GULP1: variants seen among roughly 807,000 people sequenced by gnomAD.
The protein encoded by GULP1 is PTB domain-containing engulfment adapter protein 1.
Under a neutral mutation model 40.9 loss-of-function variants are expected in GULP1, and 19 were observed. That is an observed-to-expected ratio of 0.46 (90% CI 0.32 to 0.68). GULP1 has a LOEUF of 0.68. GULP1 is among the 30% of genes least tolerant of loss of function. The pLI is 0.03. For missense variants in GULP1, 312 were observed against 362.2 expected, an observed-to-expected ratio of 0.86 and a Z score of 1.12; for synonymous variants, 119 against 117.6, an observed-to-expected ratio of 1.01 and a Z score of -0.08.
At chr2:188,564,340 T>C (rs1218232173) in intron 7 of GULP1, among the ~76,000 whole-genome samples, 3 of 150,444 alleles carry the variant, frequency 2.0e-5, no homozygotes, top group Admixed American at 1.3e-4. Flanking sequence ...ATATCAACTT[T>C]TTTACATAAA....
chr2:188,380,270 T>C (rs1249994018), intron 1 of GULP1, among the ~76,000 whole-genome samples: 1 of 152,076 alleles, frequency 6.6e-6, no homozygotes, highest in Non-Finnish European at 1.5e-5. Context: ...GTGAAAACAT[T>C]TGAGAAGGTG....
chr2:188,593,845 T>C (rs867235549), intron 11 of GULP1, 95 bp from the exon 12 acceptor site: 18 of 723,786 alleles, frequency 2.5e-5, no homozygotes, highest in Middle Eastern at 5.6e-4. Flanking sequence ...GATCAAAGCA[T>C]GAATATTTCA....
At chr2:188,465,324 C>T (rs1356650100) in intron 2 of GULP1, among the ~76,000 whole-genome samples, 1 of 151,990 alleles carries the variant, frequency 6.6e-6, no homozygotes, top group East Asian at 1.9e-4. Flanking sequence ...AAGGTCTGAA[C>T]AGGGGCTGTA....
intron 9 of GULP1, among the ~76,000 whole-genome samples, chr2:188,573,297 T>G (rs1168132693): frequency 6.6e-6 from 1 of 152,142 alleles, no homozygotes; most frequent in Admixed American, 6.6e-5. Context: ...TCATATCTAT[T>G]CAAATGAGCT....
rs934081912 is a variant in GULP1 at position 188,571,464 on chromosome 2, G to A, written c.609+1344G>A. The stretch of plus-strand genomic sequence containing the variant: ...GAGTGAGTATTTCCATTGCTTGGCA[G>A]ATGGTTTGTGCCAGTAGGGCTCCTA... On this transcript the variant is annotated intron_variant, in intron 9 of 11. Coordinates refer to ENST00000409830, the MANE Select transcript of GULP1 (RefSeq NM_016315.4). Among the ~76,000 whole-genome samples the A allele has an allele frequency of 2.6e-4, 40 of 152,206 alleles. 1 individual carries two copies. The highest frequency in any genetic ancestry group is 2.5e-3 in the Admixed American group (38 of 15,260).
chr2:188,302,770 T>G (rs1173608521), intron 1 of GULP1, among the ~76,000 whole-genome samples: 1 of 152,186 alleles, frequency 6.6e-6, no homozygotes, highest in African/African-American at 2.4e-5. Context: ...TAAGTGTCTT[T>G]GGCCATCCTC....
chr2:188,493,794 G>A lies in GULP1; in HGVS notation c.90+10302G>A, dbSNP rs74455177. Among the ~76,000 whole-genome samples, 188 of 152,078 alleles carry A rather than the reference G, an allele frequency of 1.2e-3. 2 individuals are homozygous for A. Among genetic ancestry groups the A allele is most frequent in the African/African-American group, 4.4e-3 (181 of 41,518 alleles). On this transcript the variant is annotated intron_variant, in intron 4 of 11. Transcript: ENST00000409830. ...CATAAAAGAACACCTCACAGGGAGG[G>A]CTGTCTCTAGGCCAACTTGATTCAG...
chr2:188,305,541 G>T (rs1269181208), intron 1 of GULP1, among the ~76,000 whole-genome samples: 1 of 152,184 alleles, frequency 6.6e-6, no homozygotes, highest in African/African-American at 2.4e-5. Flanking sequence ...GCTTGGGCAG[G>T]TAAAGGAAGG....
At chr2:188,343,759 A>G (rs1378094137) in intron 1 of GULP1, among the ~76,000 whole-genome samples, 2 of 152,126 alleles carry the variant, frequency 1.3e-5, no homozygotes, top group Admixed American at 1.3e-4. Flanking sequence ...TCTAAGTTCA[A>G]ATTTCTTCTA....
At chr2:188,451,978 C>T (rs919150359) in intron 2 of GULP1, among the ~76,000 whole-genome samples, 1 of 152,080 alleles carries the variant, frequency 6.6e-6, no homozygotes, top group African/African-American at 2.4e-5. Flanking sequence ...AGCTTTGAAA[C>T]ATAAAGATGT....
intron 2 of GULP1, among the ~76,000 whole-genome samples, chr2:188,392,537 A>G (rs1365229877): frequency 6.6e-6 from 1 of 151,874 alleles, no homozygotes; most frequent in East Asian, 1.9e-4. Context: ...TTATCTTTTC[A>G]GAGAACCAGC....
chr2:188,318,288 G>GGGATCCATT (rs11271014), intron 1 of GULP1, among the ~76,000 whole-genome samples: 37,022 of 151,950 alleles, frequency 0.24, 5,003 homozygotes, highest in African/African-American at 0.37. Flanking sequence ...AAAACATTTA[G>GGGATCCATT]TCAGAGGGTA....
chr2:188,302,398 G>C (rs902450866), intron 1 of GULP1, among the ~76,000 whole-genome samples: 1 of 152,116 alleles, frequency 6.6e-6, no homozygotes, highest in Non-Finnish European at 1.5e-5. Context: ...TTTATTGGCT[G>C]TGTGGTATCT....
chr2:188,324,607 AGTT>A (rs2040477164), intron 1 of GULP1, among the ~76,000 whole-genome samples: 2 of 151,976 alleles, frequency 1.3e-5, no homozygotes, highest in South Asian at 4.1e-4. Flanking sequence ...ATATTTAAAA[AGTT>A]AAATCAAATA....
intron 2 of GULP1, among the ~76,000 whole-genome samples, chr2:188,395,645 C>G (rs559037978): frequency 3.9e-5 from 6 of 152,184 alleles, no homozygotes; most frequent in Admixed American, 3.9e-4. Flanking sequence ...TTTTTTTGTC[C>G]CATGAGGTGT....
chr2:188,418,041 A>C (rs2054825730), intron 2 of GULP1, among the ~76,000 whole-genome samples: 1 of 151,876 alleles, frequency 6.6e-6, no homozygotes, highest in Non-Finnish European at 1.5e-5. Context: ...CTCAAACTCC[A>C]GGCCTCTAGT....
intron 1 of GULP1, among the ~76,000 whole-genome samples, chr2:188,308,574 G>A (rs756106671): frequency 7.2e-5 from 11 of 152,242 alleles, no homozygotes; most frequent in Middle Eastern, 3.4e-3. Flanking sequence ...ACTTCTCCAA[G>A]TTCTGAACTT....
At chr2:188,436,797 A>C (rs1179469997) in intron 2 of GULP1, among the ~76,000 whole-genome samples, 2 of 152,086 alleles carry the variant, frequency 1.3e-5, no homozygotes, top group Admixed American at 6.6e-5. Context: ...GCACATGCTC[A>C]AACATTTTTC....
chr2:188,307,259 C>A (rs2037252551), intron 1 of GULP1, among the ~76,000 whole-genome samples: 1 of 151,926 alleles, frequency 6.6e-6, no homozygotes, highest in Admixed American at 6.6e-5. Context: ...ATGATAAATA[C>A]AGGTAGAACA....
Sources: gnomAD v4.1 joint callset for allele counts (sites outside exome capture counted in the v4.1 genomes callset) on GRCh38, gnomAD v4.1.1 for gene constraint, MANE v1.5 for transcripts, NCBI Gene and HGNC (gene_info 2026-07-23, HGNC 2026-07-21) for gene names.